The following RSRC1 variants were observed in gnomAD, a reference collection of about 807,000 sequenced individuals.
RSRC1 encodes the protein serine/Arginine-related protein 53.
RSRC1 carries 39 observed loss-of-function variants against 49.1 expected under a neutral mutation model. That is an observed-to-expected ratio of 0.79 (90% CI 0.61 to 1.04). The LOEUF is 1.04. Among genes scored for constraint, RSRC1 ranks in the 50% least tolerant of loss-of-function variants. The pLI is 0.00. For synonymous variants in RSRC1, 143 were observed against 130.8 expected (o/e 1.09, Z -0.63); for missense variants, 388 against 402.4 (o/e 0.96, Z 0.31).
intron 7 of RSRC1, among the ~76,000 whole-genome samples, chr3:158,526,492 T>A (rs191719721): frequency 1.6e-4 from 25 of 152,160 alleles, no homozygotes; most frequent in African/African-American, 5.8e-4. Flanking sequence ...TCCTACCCAC[T>A]GTATAGTCAG....
chr3:158,404,539 G>T (rs73874397), intron 6 of RSRC1, among the ~76,000 whole-genome samples: 2 of 151,708 alleles, frequency 1.3e-5, no homozygotes, highest in Non-Finnish European at 2.9e-5. Context: ...ACTTCTCAGG[G>T]TTATAATAAA....
At chr3:158,126,575 A>G (rs1030570144) in intron 3 of RSRC1, among the ~76,000 whole-genome samples, 1 of 152,140 alleles carries the variant, frequency 6.6e-6, no homozygotes, top group African/African-American at 2.4e-5. Flanking sequence ...TTATACTGTC[A>G]TCTTTTCAAT....
chr3:158,197,286 C>A (rs923941833), intron 3 of RSRC1, among the ~76,000 whole-genome samples: 2 of 152,152 alleles, frequency 1.3e-5, no homozygotes, highest in African/African-American at 2.4e-5. Context: ...AGTTTATTTG[C>A]ATAGAGGTGT....
chr3:158,147,062 C>G (rs375541293), intron 3 of RSRC1, among the ~76,000 whole-genome samples: 1 of 148,250 alleles, frequency 6.7e-6, no homozygotes, highest in East Asian at 2.0e-4. Flanking sequence ...CCTCCCCCTC[C>G]CTCTCCATCT....
At chr3:158,525,749 G>C (rs1450048805) in intron 7 of RSRC1, among the ~76,000 whole-genome samples, 1 of 151,866 alleles carries the variant, frequency 6.6e-6, no homozygotes, top group Non-Finnish European at 1.5e-5. Context: ...CAACAACATG[G>C]ATTTATCTCA....
At chr3:158,437,950 G>A (rs1012097859) in intron 6 of RSRC1, among the ~76,000 whole-genome samples, 3 of 152,146 alleles carry the variant, frequency 2.0e-5, no homozygotes, top group Non-Finnish European at 4.4e-5. Flanking sequence ...TCCTTCAGCT[G>A]ATAAACAACT....
intron 4 of RSRC1, among the ~76,000 whole-genome samples, chr3:158,274,425 C>G (rs1014212298): frequency 2.8e-4 from 42 of 150,906 alleles, no homozygotes; most frequent in African/African-American, 1.0e-3. Context: ...TGAACAACCT[C>G]TACACAATCA....
intron 4 of RSRC1, among the ~76,000 whole-genome samples, chr3:158,226,089 G>C (rs1408461375): frequency 6.6e-6 from 1 of 151,810 alleles, no homozygotes; most frequent in Non-Finnish European, 1.5e-5. Flanking sequence ...AGACTTTTTT[G>C]AGGAATGGAT....
chr3:158,517,627 G>A (rs6780010), intron 7 of RSRC1, among the ~76,000 whole-genome samples: 77,923 of 150,414 alleles, frequency 0.52, 20,605 homozygotes, highest in African/African-American at 0.62. Flanking sequence ...GGGTCTTGCT[G>A]TGTTGCCCCA....
At chr3:158,410,378 T>C (rs898388117) in intron 6 of RSRC1, among the ~76,000 whole-genome samples, 3 of 152,182 alleles carry the variant, frequency 2.0e-5, no homozygotes, top group Non-Finnish European at 2.9e-5. Context: ...GCTTAAACTT[T>C]ATATCTCAGT....
At chr3:158,440,035 A>G (rs1482643608) in intron 6 of RSRC1, among the ~76,000 whole-genome samples, 1 of 151,884 alleles carries the variant, frequency 6.6e-6, no homozygotes, top group African/African-American at 2.4e-5. Context: ...TAAAATCTGG[A>G]TGATGGGTTG....
chr3:158,471,816 A>G (rs917153103), intron 7 of RSRC1, among the ~76,000 whole-genome samples: 2 of 152,126 alleles, frequency 1.3e-5, no homozygotes, highest in Admixed American at 6.5e-5. Flanking sequence ...ATTGAATCCT[A>G]TCCAACCAAC....
At chr3:158,329,835 G>A (rs1043659543) in intron 5 of RSRC1, among the ~76,000 whole-genome samples, 4 of 152,210 alleles carry the variant, frequency 2.6e-5, no homozygotes, top group Non-Finnish European at 5.9e-5. Flanking sequence ...CCCAGAGGTG[G>A]AGTCTACAGA....
intron 4 of RSRC1, among the ~76,000 whole-genome samples, chr3:158,292,470 A>T (rs1334875407): frequency 6.6e-6 from 1 of 152,190 alleles, no homozygotes; most frequent in East Asian, 1.9e-4. Flanking sequence ...ACAAATCTTT[A>T]TTCATTTGCC....
intron 6 of RSRC1, among the ~76,000 whole-genome samples, chr3:158,425,224 T>G (rs1735342391): frequency 1.3e-5 from 2 of 152,142 alleles, no homozygotes; most frequent in African/African-American, 2.4e-5. Flanking sequence ...TTTAGTGCTA[T>G]AAATTTCCCT....
intron 4 of RSRC1, among the ~76,000 whole-genome samples, chr3:158,285,214 C>G (rs1322260362): frequency 6.6e-6 from 1 of 152,170 alleles, no homozygotes; most frequent in African/African-American, 2.4e-5. Context: ...AGTTATTCGG[C>G]GTTATTTCTG....
chr3:158,328,019 T>C (rs963891493), intron 5 of RSRC1, among the ~76,000 whole-genome samples: 1 of 152,196 alleles, frequency 6.6e-6, no homozygotes, highest in African/African-American at 2.4e-5. Context: ...TGTTTTTTGG[T>C]TTAAAGTCTG....
chr3:158,420,926 G>A (rs189774789), intron 6 of RSRC1, among the ~76,000 whole-genome samples: 1 of 151,978 alleles, frequency 6.6e-6, no homozygotes, highest in Non-Finnish European at 1.5e-5. Context: ...ATGGTTATTT[G>A]TTCAACTAAG....
At chr3:158,296,691 T>C (rs1727261012) in intron 4 of RSRC1, among the ~76,000 whole-genome samples, 1 of 152,092 alleles carries the variant, frequency 6.6e-6, no homozygotes, top group African/African-American at 2.4e-5. Context: ...ATTCTTATCA[T>C]TTGTCAGTAG....
Sources: gnomAD v4.1 joint callset for allele counts (sites outside exome capture counted in the v4.1 genomes callset) on GRCh38, gnomAD v4.1.1 for gene constraint, MANE v1.5 for transcripts, NCBI Gene and HGNC (gene_info 2026-07-23, HGNC 2026-07-21) for gene names.